BAALC: variants seen among roughly 807,000 people sequenced by gnomAD.
BAALC encodes the protein brain and acute leukemia cytoplasmic protein.
Under a neutral mutation model 15.5 loss-of-function variants are expected in BAALC, and 9 were observed. The observed-to-expected ratio is 0.58, with a 90% CI of 0.35 to 1.02. The LOEUF (loss-of-function observed/expected upper bound fraction) is 1.02, where lower values mean the gene tolerates loss of function less well. BAALC is among the 50% of genes least tolerant of loss of function. The pLI, the probability that BAALC is intolerant of heterozygous loss-of-function variation, is 0.02. For missense variants in BAALC, 201 were observed against 192.4 expected (o/e 1.04, Z -0.27); for synonymous variants, 80 against 74.6 (o/e 1.07, Z -0.37).
intron 1 of BAALC, among the ~76,000 whole-genome samples, chr8:103,201,569 G>A (rs1298075435): frequency 6.6e-6 from 1 of 152,220 alleles, no homozygotes; most frequent in Non-Finnish European, 1.5e-5. Flanking sequence ...AGGAGAATTA[G>A]GTTAATGCCC....
intron 1 of BAALC, among the ~76,000 whole-genome samples, chr8:103,149,306 T>A (rs1209246899): frequency 1.3e-5 from 2 of 152,218 alleles, no homozygotes; most frequent in Admixed American, 1.3e-4. Flanking sequence ...TGAGTGCCCG[T>A]GCTGCTCCAA....
intron 1 of BAALC, among the ~76,000 whole-genome samples, chr8:103,160,043 C>T (rs7820010): frequency 0.34 from 52,256 of 151,868 alleles, 9,344 homozygotes; most frequent in East Asian, 0.44. Flanking sequence ...TGCTAAATAT[C>T]TTGGTTCCTA....
chr8:103,199,721 T>C (rs1000391559), intron 1 of BAALC, among the ~76,000 whole-genome samples: 1 of 152,162 alleles, frequency 6.6e-6, no homozygotes, highest in Non-Finnish European at 1.5e-5. Context: ...TAAACTTGTG[T>C]CATGGGGGTT....
intron 1 of BAALC, among the ~76,000 whole-genome samples, chr8:103,159,222 T>C (rs893955746): frequency 6.6e-6 from 1 of 152,200 alleles, no homozygotes; most frequent in African/African-American, 2.4e-5. Flanking sequence ...TTATATCTTG[T>C]TTTTTGTGAT....
At chr8:103,212,838 T>A (rs1389095446) in intron 1 of BAALC, 81 bp from the exon 2 acceptor site, 11 of 1,448,448 alleles carry the variant, frequency 7.6e-6, no homozygotes, top group African/African-American at 5.7e-5. Context: ...TTTGACTATC[T>A]GTTTCTCCAC....
intron 1 of BAALC, among the ~76,000 whole-genome samples, chr8:103,189,126 T>A (rs1811911737): frequency 6.6e-6 from 1 of 152,264 alleles, no homozygotes; most frequent in Admixed American, 6.5e-5. Flanking sequence ...AACTCCTTTC[T>A]GTTTATGTCT....
At chr8:103,163,034 A>C (rs1811263928) in intron 1 of BAALC, among the ~76,000 whole-genome samples, 1 of 152,092 alleles carries the variant, frequency 6.6e-6, no homozygotes. Flanking sequence ...AGTACCAATT[A>C]CCTTGTAAAT....
intron 1 of BAALC, among the ~76,000 whole-genome samples, chr8:103,203,195 A>C (rs1440478180): frequency 2.0e-5 from 3 of 152,208 alleles, no homozygotes; most frequent in African/African-American, 7.2e-5. Context: ...GGCCAACGGC[A>C]GATGTTACAG....
chr8:103,161,386 G>C (rs1811219992), intron 1 of BAALC, among the ~76,000 whole-genome samples: 1 of 151,860 alleles, frequency 6.6e-6, no homozygotes, highest in Non-Finnish European at 1.5e-5. Context: ...ATAAAAGGCA[G>C]CATACTATAC....
chr8:103,209,355 G>C (rs1812398698), intron 1 of BAALC, among the ~76,000 whole-genome samples: 1 of 152,094 alleles, frequency 6.6e-6, no homozygotes, highest in African/African-American at 2.4e-5. Flanking sequence ...CTGGGCAACA[G>C]AGCGAGACTC....
chr8:103,167,573 CA>C (rs1161053075), intron 1 of BAALC, among the ~76,000 whole-genome samples: 2 of 152,120 alleles, frequency 1.3e-5, no homozygotes, highest in Non-Finnish European at 2.9e-5. Context: ...GCAAGTGCTA[CA>C]AAAGAGAAGT....
intron 1 of BAALC, among the ~76,000 whole-genome samples, chr8:103,200,268 A>G (rs547779646): frequency 1.3e-5 from 2 of 152,340 alleles, no homozygotes; most frequent in East Asian, 3.9e-4. Flanking sequence ...AAATTTGTTC[A>G]GCCATTCTGG....
intron 1 of BAALC, among the ~76,000 whole-genome samples, chr8:103,186,536 A>C (rs1811842227): frequency 6.6e-6 from 1 of 152,190 alleles, no homozygotes; most frequent in Non-Finnish European, 1.5e-5. Context: ...TGCTTCTTCC[A>C]CCAAGCTCAA....
chr8:103,142,811 T>C (rs142275724), intron 1 of BAALC, among the ~76,000 whole-genome samples: 93 of 152,264 alleles, frequency 6.1e-4, no homozygotes, highest in African/African-American at 2.2e-3. Context: ...TACTCTGCCA[T>C]ACTAATTCAT....
At chr8:103,224,153 G>T (rs1812746021) in intron 2 of BAALC, among the ~76,000 whole-genome samples, 1 of 151,920 alleles carries the variant, frequency 6.6e-6, no homozygotes, top group Non-Finnish European at 1.5e-5. Context: ...CAGGCATGGG[G>T]CAGTCCAATG....
At chr8:103,156,002 A>AATCAACTT (rs1316639480) in intron 1 of BAALC, among the ~76,000 whole-genome samples, 3 of 152,132 alleles carry the variant, frequency 2.0e-5, no homozygotes, top group Non-Finnish European at 4.4e-5. Context: ...TTTTGCAACT[A>AATCAACTT]CTCAACTTCT....
intron 1 of BAALC, among the ~76,000 whole-genome samples, chr8:103,209,312 C>A (rs149403878): frequency 2.0e-5 from 3 of 152,042 alleles, no homozygotes; most frequent in East Asian, 1.9e-4. Flanking sequence ...GCAGAGGCTG[C>A]AGTGAGTTGA....
At chr8:103,204,505 A>G (rs1812286311) in intron 1 of BAALC, among the ~76,000 whole-genome samples, 1 of 152,204 alleles carries the variant, frequency 6.6e-6, no homozygotes, top group Admixed American at 6.5e-5. Flanking sequence ...ATCCAAGGTC[A>G]TGAAGACTTA....
At chr8:103,166,481 A>G (rs555590824) in intron 1 of BAALC, among the ~76,000 whole-genome samples, 18 of 152,004 alleles carry the variant, frequency 1.2e-4, no homozygotes, top group African/African-American at 3.9e-4. Flanking sequence ...GTGGGAGGGT[A>G]TGGGAGACAA....
Sources: allele counts gnomAD v4.1 joint callset (sites outside exome capture counted in the v4.1 genomes callset), GRCh38; gene constraint gnomAD v4.1.1; transcripts MANE v1.5; gene names NCBI Gene and HGNC (gene_info 2026-07-23, HGNC 2026-07-21).